Variants in PPFIA2 observed in about 807,000 individuals in gnomAD.
PPFIA2 encodes the protein liprin-alpha-2.
In PPFIA2, 46 loss-of-function variants were observed where a neutral mutation model predicts 175.5. The observed-to-expected ratio is 0.26, with a 90% CI of 0.21 to 0.34. PPFIA2 has a LOEUF of 0.34. Among genes scored for constraint, PPFIA2 ranks in the 10% least tolerant of loss-of-function variants. The pLI, the probability that PPFIA2 is intolerant of heterozygous loss-of-function variation, is 1.00. For missense variants in PPFIA2, 1,179 were observed against 1,506.1 expected (o/e 0.78, Z 3.60); for synonymous variants, 568 against 511.4 (o/e 1.11, Z -1.49).
intron 22 of PPFIA2, among the ~76,000 whole-genome samples, chr12:81,309,036 A>G (rs966645934): frequency 1.3e-5 from 2 of 152,200 alleles, no homozygotes; most frequent in Non-Finnish European, 2.9e-5. Context: ...TAATGTGACA[A>G]TGCAATATAC....
At chr12:81,335,744 AAACAACAAC>A (rs142716386) in intron 21 of PPFIA2, among the ~76,000 whole-genome samples, 16 of 149,506 alleles carry the variant, frequency 1.1e-4, no homozygotes, top group East Asian at 7.8e-4. Context: ...TTCTGTCTAA[AAACAACAAC>A]AACAACAACA....
At chr12:81,597,095 A>G (rs553769351) in intron 4 of PPFIA2, among the ~76,000 whole-genome samples, 7 of 152,272 alleles carry the variant, frequency 4.6e-5, no homozygotes, top group African/African-American at 1.7e-4. Context: ...GAATAATTAA[A>G]TGTCAGGCTG....
At chr12:81,589,972 G>A (rs570291919) in intron 4 of PPFIA2, among the ~76,000 whole-genome samples, 2 of 152,116 alleles carry the variant, frequency 1.3e-5, no homozygotes, top group East Asian at 3.9e-4. Flanking sequence ...AGCTATCTTT[G>A]TATTTTGGAG....
chr12:81,447,570 C>G (rs1370431989), intron 5 of PPFIA2, among the ~76,000 whole-genome samples: 2 of 152,156 alleles, frequency 1.3e-5, no homozygotes, highest in African/African-American at 4.8e-5. Flanking sequence ...CTCCTTTTCC[C>G]CACCTCCGCA....
intron 4 of PPFIA2, among the ~76,000 whole-genome samples, chr12:81,500,450 A>G (rs527312845): frequency 6.6e-6 from 1 of 152,290 alleles, no homozygotes; most frequent in South Asian, 2.1e-4. Context: ...CCTTTTACCT[A>G]AAATTCTAGC....
chr12:81,440,223 G>C (rs983915141), intron 6 of PPFIA2, among the ~76,000 whole-genome samples, 177 bp from the exon 7 acceptor site: 6 of 152,166 alleles, frequency 3.9e-5, no homozygotes, highest in Admixed American at 2.0e-4. Flanking sequence ...TTGTCACCTC[G>C]TATTGTCACT....
intron 14 of PPFIA2, among the ~76,000 whole-genome samples, chr12:81,366,152 C>T (rs1232914788): frequency 6.7e-6 from 1 of 148,550 alleles, no homozygotes; most frequent in Non-Finnish European, 1.5e-5. Flanking sequence ...TCTATCTTTT[C>T]TCAACATACA....
intron 4 of PPFIA2, among the ~76,000 whole-genome samples, chr12:81,620,097 T>C (rs532238744): frequency 6.9e-6 from 1 of 145,498 alleles, no homozygotes; most frequent in African/African-American, 2.5e-5. Flanking sequence ...GAGGCGGAGC[T>C]TGCAGTGAGC....
At chr12:81,596,973 C>T (rs1357203986) in intron 4 of PPFIA2, among the ~76,000 whole-genome samples, 1 of 152,064 alleles carries the variant, frequency 6.6e-6, no homozygotes, top group African/African-American at 2.4e-5. Flanking sequence ...ACTTATAATT[C>T]AGATGTGCAT....
chr12:81,650,252 G>C (rs1335121150), intron 4 of PPFIA2, among the ~76,000 whole-genome samples: 1 of 151,874 alleles, frequency 6.6e-6, no homozygotes, highest in Non-Finnish European at 1.5e-5. Flanking sequence ...CTCGTGATCT[G>C]CCCACCTCGG....
intron 4 of PPFIA2, among the ~76,000 whole-genome samples, chr12:81,485,446 A>C (rs1341299850): frequency 6.6e-6 from 1 of 151,644 alleles, no homozygotes; most frequent in East Asian, 1.9e-4. Context: ...CTTCCAATAT[A>C]TTTTTCCTCT....
chr12:81,302,727 G>C lies in PPFIA2; in HGVS notation c.2643-3345C>G, dbSNP rs1437252009. 6.7e-6 allele frequency: 3 copies of C among 448,228 alleles called. No individual in the cohort carries two copies. In the Admixed American group the frequency reaches 7.2e-5, roughly 11 times the overall value. The allele number at this position is 448,228 out of a possible 1,614,324, so 27.8% of individuals were successfully genotyped here. On this transcript the variant is annotated intron_variant, in intron 22 of 32. Transcript: ENST00000549396. ...AGAGAAGTAACAATTATTTAAAAAA[G>C]AACAGCATTGAAATTTACAAAGCAA...
intron 8 of PPFIA2, among the ~76,000 whole-genome samples, chr12:81,385,246 T>A (rs762456248): frequency 1.3e-5 from 2 of 152,144 alleles, no homozygotes; most frequent in Non-Finnish European, 1.5e-5. Context: ...GGAACCCTTG[T>A]ATGCTACTAG....
intron 4 of PPFIA2, among the ~76,000 whole-genome samples, chr12:81,488,100 C>T (rs1348327346): frequency 6.6e-6 from 1 of 151,770 alleles, no homozygotes; most frequent in Non-Finnish European, 1.5e-5. Context: ...CTATACATAA[C>T]AGTTAGGGAG....
intron 7 of PPFIA2, chr12:81,430,290 A>G (rs904911556): frequency 2.0e-5 from 3 of 152,092 alleles, no homozygotes; most frequent in Non-Finnish European, 4.4e-5. Flanking sequence ...CATTCAGCAT[A>G]TACCCTCTCC....
intron 4 of PPFIA2, among the ~76,000 whole-genome samples, chr12:81,576,443 T>G (rs2073561556): frequency 6.6e-6 from 1 of 151,786 alleles, no homozygotes; most frequent in Non-Finnish European, 1.5e-5. Context: ...ATTTTTAACA[T>G]ATGTGATTGA....
At chr12:81,294,723 G>A (rs891286981) in intron 24 of PPFIA2, 112 bp downstream of exon 24, 1 of 1,001,236 alleles carries the variant, frequency 1.0e-6, no homozygotes, top group African/African-American at 1.6e-5. Flanking sequence ...AATCTCTTGA[G>A]AATAATTCAA....
At chr12:81,576,235 G>T (rs984292174) in intron 4 of PPFIA2, among the ~76,000 whole-genome samples, 2 of 151,682 alleles carry the variant, frequency 1.3e-5, no homozygotes, top group African/African-American at 4.8e-5. Flanking sequence ...ACCTATCATA[G>T]ATGTCTTGAG....
rs1595725745 is a variant in PPFIA2, at chr12:81,623,401, T to C, written c.303+53390A>G. Among the ~76,000 whole-genome samples, 3 of 152,168 alleles carry C rather than the reference T, an allele frequency of 2.0e-5. No individual in the cohort carries two copies. The East Asian group carries it at 5.8e-4, about 29-fold the overall frequency. ...GTATTAATAGTGCTCATTAAAATGA[T>C]GAATATCTTAGGCAATTTTCATGAC... On this transcript the variant is annotated intron_variant, in intron 4 of 32. Transcript: ENST00000549396.
Sources: gnomAD v4.1 joint callset for allele counts (sites outside exome capture counted in the v4.1 genomes callset) on GRCh38, gnomAD v4.1.1 for gene constraint, MANE v1.5 for transcripts, NCBI Gene and HGNC (gene_info 2026-07-23, HGNC 2026-07-21) for gene names.